The following JMJD1C variants were observed in gnomAD, a reference collection of about 807,000 sequenced individuals.
JMJD1C encodes jumonji domain containing 1C.
A neutral mutation model predicts 245.3 loss-of-function variants in JMJD1C; 31 were observed. The ratio of observed to expected loss-of-function variants is 0.13; its 90% CI spans 0.09 to 0.17. The LOEUF is 0.17. JMJD1C is among the 10% of genes least tolerant of loss of function. The pLI is 1.00. For synonymous variants in JMJD1C, 1,057 were observed against 1,017.4 expected (o/e 1.04, Z -0.74); for missense variants, 2,691 against 3,000.2 (o/e 0.90, Z 2.41).
chr10:63,334,599 T>C (rs1337177536), intron 2 of JMJD1C, among the ~76,000 whole-genome samples: 1 of 152,032 alleles, frequency 6.6e-6, no homozygotes, highest in African/African-American at 2.4e-5. Context: ...GTATGTGCTA[T>C]AGTCCCAGCT....
chr10:63,319,387 GTCTT>G (rs1940560900), intron 2 of JMJD1C, among the ~76,000 whole-genome samples: 2 of 146,600 alleles, frequency 1.4e-5, no homozygotes, highest in African/African-American at 2.5e-5. Flanking sequence ...ATCTCTGCAA[GTCTT>G]TAGCATTTTC....
chr10:63,309,881 C>T (rs1006629470), intron 2 of JMJD1C, among the ~76,000 whole-genome samples: 1 of 152,062 alleles, frequency 6.6e-6, no homozygotes, highest in Non-Finnish European at 1.5e-5. Flanking sequence ...CGCGCCATTG[C>T]ACTCCAGCCT....
At chr10:63,363,697 CTTTTTA>C (rs987493601) in intron 2 of JMJD1C, among the ~76,000 whole-genome samples, 4 of 151,818 alleles carry the variant, frequency 2.6e-5, no homozygotes, top group African/African-American at 7.3e-5. Flanking sequence ...TCAGGTTTTT[CTTTTTA>C]TGAGACAGGG....
intron 2 of JMJD1C, among the ~76,000 whole-genome samples, chr10:63,357,822 G>GACAC (rs1344672220): frequency 6.1e-4 from 43 of 70,800 alleles, no homozygotes; most frequent in South Asian, 1.7e-3. Context: ...GACACAGACA[G>GACAC]ACAGACACAC....
chr10:63,437,607 A>G (rs1024612222), intron 1 of JMJD1C, among the ~76,000 whole-genome samples: 2 of 152,182 alleles, frequency 1.3e-5, no homozygotes, highest in African/African-American at 4.8e-5. Context: ...ATTTTACAAA[A>G]TCTTATCTTC....
intron 1 of JMJD1C, among the ~76,000 whole-genome samples, chr10:63,488,555 T>C (rs1294830305): frequency 6.8e-6 from 1 of 147,564 alleles, no homozygotes; most frequent in South Asian, 2.1e-4. Flanking sequence ...AAAAAAAAAC[T>C]GTACTATATT....
chr10:63,228,990 G>A (rs1849643511), intron 3 of JMJD1C, among the ~76,000 whole-genome samples: 1 of 151,976 alleles, frequency 6.6e-6, no homozygotes, highest in Admixed American at 6.6e-5. Context: ...TTCAGAGATT[G>A]GAATCATCAT....
At chr10:63,397,997 C>T (rs185917571) in intron 1 of JMJD1C, among the ~76,000 whole-genome samples, 1 of 152,026 alleles carries the variant, frequency 6.6e-6, no homozygotes, top group Admixed American at 6.6e-5. Context: ...AATTTTTAAC[C>T]TTTTGTTACA....
chr10:63,413,526 TATTC>T (rs1368008747), intron 1 of JMJD1C, among the ~76,000 whole-genome samples: 1 of 152,208 alleles, frequency 6.6e-6, no homozygotes, highest in Non-Finnish European at 1.5e-5. Context: ...GTCTTAGATT[TATTC>T]AGTAAAATAG....
At chr10:63,462,549 G>A (rs1564946130) in intron 1 of JMJD1C, among the ~76,000 whole-genome samples, 1 of 152,154 alleles carries the variant, frequency 6.6e-6, no homozygotes, top group Non-Finnish European at 1.5e-5. Context: ...TAGATGGCAA[G>A]ATTATCCTGG....
At chr10:63,503,944 G>A (rs1296316081) in intron 1 of JMJD1C, among the ~76,000 whole-genome samples, 2 of 152,096 alleles carry the variant, frequency 1.3e-5, no homozygotes, top group African/African-American at 2.4e-5. Context: ...GGGTCCACAT[G>A]CTTGTGTTTC....
At chr10:63,397,452 ATCTG>A (rs1459461131) in intron 1 of JMJD1C, among the ~76,000 whole-genome samples, 2 of 152,088 alleles carry the variant, frequency 1.3e-5, no homozygotes, top group African/African-American at 4.8e-5. Context: ...ACCTCAGGTG[ATCTG>A]TCTGCCTCGG....
At chr10:63,210,856 A>G (rs988120485) in intron 8 of JMJD1C, among the ~76,000 whole-genome samples, 2 of 152,224 alleles carry the variant, frequency 1.3e-5, no homozygotes, top group Admixed American at 6.5e-5. Flanking sequence ...ACTATGTAAC[A>G]CACAGGTTCC....
intron 3 of JMJD1C, among the ~76,000 whole-genome samples, chr10:63,248,382 G>A (rs1392668990): frequency 7.2e-5 from 11 of 151,904 alleles, no homozygotes; most frequent in Admixed American, 2.0e-4. Flanking sequence ...TTAGCTGGGC[G>A]TGGTGGCAGG....
intron 24 of JMJD1C, among the ~76,000 whole-genome samples, chr10:63,170,763 G>T (rs1050757263): frequency 2.0e-5 from 3 of 152,072 alleles, no homozygotes; most frequent in African/African-American, 7.2e-5. Flanking sequence ...GATATATTTT[G>T]GATAAAGGCT....
At chr10:63,384,506 T>G (rs1477473131) in intron 1 of JMJD1C, among the ~76,000 whole-genome samples, 2 of 152,230 alleles carry the variant, frequency 1.3e-5, no homozygotes, top group South Asian at 2.1e-4. Context: ...TGAGAGCTCT[T>G]GGGTGACCAG....
chr10:63,465,381 C>T, intron 1 of JMJD1C, 114 bp downstream of exon 1: 1 of 1,110,264 alleles, frequency 9.0e-7, no homozygotes. Flanking sequence ...AGCAGAGGGG[C>T]GTGACCGCCA....
At chr10:63,296,850 G>T (rs1243679584) in intron 2 of JMJD1C, among the ~76,000 whole-genome samples, 5 of 152,098 alleles carry the variant, frequency 3.3e-5, no homozygotes, top group Non-Finnish European at 7.4e-5. Flanking sequence ...AAAGAAAAGG[G>T]GGTGGAGGAT....
intron 2 of JMJD1C, among the ~76,000 whole-genome samples, chr10:63,372,721 GACTA>G (rs1235139460): frequency 1.3e-5 from 2 of 152,162 alleles, no homozygotes; most frequent in Non-Finnish European, 2.9e-5. Flanking sequence ...ATACATAGAT[GACTA>G]AGACATGACT....
Sources: allele counts gnomAD v4.1 joint callset (sites outside exome capture counted in the v4.1 genomes callset), GRCh38; gene constraint gnomAD v4.1.1; transcripts MANE v1.5; gene names NCBI Gene and HGNC (gene_info 2026-07-23, HGNC 2026-07-21).